VEGFD: variants seen among roughly 807,000 people sequenced by gnomAD.
VEGFD encodes the protein c-fos induced growth factor (vascular endothelial growth factor D).
VEGFD carries 26 observed loss-of-function variants against 28.0 expected under a neutral mutation model. The observed-to-expected ratio is 0.93, with a 90% CI of 0.68 to 1.29. The LOEUF is 1.29. Ranked by LOEUF, VEGFD falls within the 50% of genes most tolerant of loss-of-function variation. The pLI is 0.00. For synonymous variants in VEGFD, 93 were observed against 95.5 expected, an observed-to-expected ratio of 0.97 and a Z score of 0.15; for missense variants, 294 against 273.4, an observed-to-expected ratio of 1.08 and a Z score of -0.53.
At chrX:15,350,779 T>C (rs868444799) in intron 5 of VEGFD, among the ~76,000 whole-genome samples, 33 of 82,340 alleles carry the variant, frequency 4.0e-4, no homozygotes, top group East Asian at 4.0e-3. Flanking sequence ...CTTTCTTTCT[T>C]TCTCTCTCTT....
rs755080879 is a variant in VEGFD, at chrX:15,355,328, T to C, written c.493-30A>G. 3.5e-5 allele frequency: 38 copies of C among 1,089,679 alleles called. No individual in the cohort carries two copies. In the African/African-American group the frequency reaches 6.9e-4, roughly 20 times the overall value. The allele number at this position is 1,089,679 out of a possible 1,213,427, so 89.8% of individuals were successfully genotyped here. A position where few individuals can be genotyped will look rare whatever the true frequency, so the allele number is the denominator to read the frequency against. ...AGCAGAGAAAGATAACCACAATATATTTTTTTAATTTTATATATCATTTTT... is the reference window on the plus strand; with the variant it reads ...AGCAGAGAAAGATAACCACAATATACTTTTTTAATTTTATATATCATTTTT... On this transcript the variant is annotated intron_variant, in intron 3 of 6. Transcript: ENST00000297904.
intron 1 of VEGFD, among the ~76,000 whole-genome samples, chrX:15,380,593 T>C (rs1923546526): frequency 8.8e-6 from 1 of 113,094 alleles, no homozygotes; most frequent in African/African-American, 3.2e-5. Flanking sequence ...GGTATTCCTT[T>C]GTTGCAATAG....
chrX:15,346,257 C>T lies in VEGFD; in HGVS notation c.941G>A (p.Cys314Tyr). The T allele has an allele frequency of 8.3e-7, 1 of 1,207,155 alleles. No individual in the cohort carries two copies. Among genetic ancestry groups the T allele is most frequent in the Non-Finnish European group, 1.1e-6 (1 of 893,642 alleles). ...GGTATGAAAGGGGCATCTGTCCTCA[C>T]AGCTGTTGCAAAAGAAAATAAAGAT... ...HKLFHPDTCSCEDRCPFHTRP... is the reference protein window; with the variant it reads ...HKLFHPDTCSYEDRCPFHTRP... Residue 314 changes from cysteine (C) to tyrosine (Y), a missense_variant and splice_region_variant, in exon 7 of 7, where the codon TGT becomes TAT. Transcript: ENST00000297904.
chrX:15,355,104 A>G (rs1922829479), intron 4 of VEGFD, 46 bp downstream of exon 4: 2 of 1,093,902 alleles, frequency 1.8e-6, no homozygotes. Context: ...TTGGCAAGGC[A>G]AAAATAAGCA....
Position 15,384,363 on chromosome X carries a change from T to A in VEGFD, c.-417A>T, listed in dbSNP as rs1343255090. 8.0e-6 allele frequency: 1 copy of A among 124,826 alleles called. No individual in the cohort carries two copies. Among genetic ancestry groups the A allele is most frequent in the African/African-American group, 3.2e-5 (1 of 31,128 alleles). The allele number at this position is 124,826 out of a possible 1,213,427, so 10.3% of individuals were successfully genotyped here. A position where few individuals can be genotyped will look rare whatever the true frequency, so the allele number is the denominator to read the frequency against. ...CAGAAAGCTGGAACCCAACTCTGGA[T>A]TGAAACTTTTTTGCACAACCTTCAT... On this transcript the variant is annotated 5_prime_UTR_variant, in exon 1 of 7. Transcript: ENST00000297904.
At chrX:15,375,193 ACT>A (rs776242169) in intron 1 of VEGFD, among the ~76,000 whole-genome samples, 5 of 111,793 alleles carry the variant, frequency 4.5e-5, no homozygotes, top group Non-Finnish European at 9.4e-5. Flanking sequence ...CCAAAGACAA[ACT>A]TTTTCTCTCC....
chrX:15,346,262 G>C lies in VEGFD; in HGVS notation c.939-3C>G, dbSNP rs1206188727. The C allele has an allele frequency of 8.3e-7, 1 of 1,205,357 alleles. No individual in the cohort carries two copies. Among genetic ancestry groups the C allele is most frequent in the Admixed American group, 2.2e-5 (1 of 44,987 alleles). On this transcript the variant is annotated splice_polypyrimidine_tract_variant and splice_region_variant and intron_variant, in intron 6 of 6. Transcript: ENST00000297904. Reference sequence around the variant, plus strand: ...GAAAGGGGCATCTGTCCTCACAGCTGTTGCAAAAGAAAATAAAGATGAGAA... The same window carrying C: ...GAAAGGGGCATCTGTCCTCACAGCTCTTGCAAAAGAAAATAAAGATGAGAA...
Position 15,383,929 on chromosome X carries a change from T to C in VEGFD, c.18A>G (p.Val6=). The stretch of plus-strand genomic sequence containing the variant: ...ACAACATCATGAAAACATTCACCAC[T>C]ACCCACTCTCTGTACATTTTGAATA... MYREW[V]VVNVFMMLYV... The change falls in exon 1 of 7, where the codon GTA becomes GTG. Residue 6 remains valine, a synonymous_variant. Coordinates refer to ENST00000297904, the MANE Select transcript of VEGFD (RefSeq NM_004469.5). 2 of 1,199,316 alleles carry C rather than the reference T, an allele frequency of 1.7e-6. No homozygotes were observed. Among genetic ancestry groups the C allele is most frequent in the South Asian group, 1.8e-5 (1 of 56,695 alleles).
chrX:15,382,187 G>A (rs1377282092), intron 1 of VEGFD, among the ~76,000 whole-genome samples: 2 of 110,706 alleles, frequency 1.8e-5, no homozygotes, highest in Non-Finnish European at 3.8e-5. Flanking sequence ...CGGCATGGTG[G>A]CACGTGCCTA....
chrX:15,365,094 A>G (rs759408207), intron 1 of VEGFD, among the ~76,000 whole-genome samples: 1 of 112,221 alleles, frequency 8.9e-6, no homozygotes, highest in Non-Finnish European at 1.9e-5. Context: ...ATATATGAGG[A>G]ACATCTGGAG....
rs1555947744 is a variant in VEGFD, at chrX:15,350,787, C to CTTTCTTTCT, written c.742+2280_742+2281insAGAAAGAAA. 5.2e-5 allele frequency among the ~76,000 whole-genome samples: 5 copies of CTTTCTTTCT among 95,854 alleles called. No individual in the cohort carries two copies. In the South Asian group the frequency reaches 2.6e-3, roughly 49 times the overall value. 83.2% of individuals were successfully genotyped at this position (95,854 alleles called of 115,157 possible). Reference sequence around the variant, plus strand: ...TTCTTTTCTTTCTTTCTTTCTCTCTCTTTCTTTTCTTTTCTTTCTTTCTTT... The same window carrying CTTTCTTTCT: ...TTCTTTTCTTTCTTTCTTTCTCTCTCTTTCTTTCTTTTCTTTTCTTTTCTTTCTTTCTTT... On this transcript the variant is annotated intron_variant, in intron 5 of 6. Transcript: ENST00000297904.
chrX:15,380,264 G>T (rs1427605040), intron 1 of VEGFD, among the ~76,000 whole-genome samples: 2 of 112,057 alleles, frequency 1.8e-5, no homozygotes, highest in African/African-American at 6.5e-5. Context: ...ACTGCTTCCT[G>T]GAATTAAATA....
In VEGFD at chrX:15,358,019, G is replaced by T; in HGVS notation, c.476C>A (p.Ser159Ter). ...ESLICMNTSTSYISKQLFEIS... is the reference protein window; with the variant it reads ...ESLICMNTST ...TCCTTATACCTGTTTGGAAATGTAC[G>T]AGGTGCTGGTGTTCATACAGATAAG... The change falls in exon 3 of 7, where the codon TCG becomes TAG. Residue 159 changes from serine (S) to a stop codon, truncating the protein, a stop_gained. Transcript: ENST00000297904. LOFTEE classifies it high-confidence loss of function. 3.3e-6 allele frequency: 4 copies of T among 1,210,423 alleles called. No individual in the cohort carries two copies. Among genetic ancestry groups the T allele is most frequent in the Non-Finnish European group, 3.4e-6 (3 of 894,759 alleles).
At chrX:15,373,155 G>C in intron 1 of VEGFD, among the ~76,000 whole-genome samples, 1 of 112,082 alleles carries the variant, frequency 8.9e-6, no homozygotes, top group African/African-American at 3.2e-5. Context: ...ACACTGAAAG[G>C]TATTTGAAAG....
intron 5 of VEGFD, among the ~76,000 whole-genome samples, chrX:15,351,410 C>T (rs78527455): frequency 2.7e-5 from 3 of 109,694 alleles, no homozygotes; most frequent in East Asian, 2.9e-4. Flanking sequence ...TGAGCCACCG[C>T]GCCCGGCCGG....
chrX:15,378,785 T>C (rs1251097354), intron 1 of VEGFD, among the ~76,000 whole-genome samples: 4 of 111,763 alleles, frequency 3.6e-5, no homozygotes, highest in African/African-American at 1.3e-4. Context: ...CATTTTCCAA[T>C]GGTTGAAACA....
At chrX:15,382,013 C>G (rs1923586709) in intron 1 of VEGFD, among the ~76,000 whole-genome samples, 1 of 81,155 alleles carries the variant, frequency 1.2e-5, no homozygotes, top group Non-Finnish European at 2.4e-5. Flanking sequence ...ACAGTACATT[C>G]AAAGCATTTA....
At chrX:15,382,656 T>C (rs1243505939) in intron 1 of VEGFD, among the ~76,000 whole-genome samples, 1 of 111,516 alleles carries the variant, frequency 9.0e-6, no homozygotes, top group Non-Finnish European at 1.9e-5. Context: ...ACCTACAATC[T>C]GGCCTTGAGA....
At chrX:15,346,888 G>C (rs929058248) in intron 6 of VEGFD, among the ~76,000 whole-genome samples, 2 of 110,181 alleles carry the variant, frequency 1.8e-5, no homozygotes, top group Middle Eastern at 4.7e-3. Context: ...CCCAGATCAC[G>C]CCACTGCACT....
Sources: gnomAD v4.1 joint callset for allele counts (sites outside exome capture counted in the v4.1 genomes callset) on GRCh38, gnomAD v4.1.1 for gene constraint, MANE v1.5 for transcripts, NCBI Gene and HGNC (gene_info 2026-07-23, HGNC 2026-07-21) for gene names.